The following PAIP1 variants were observed in gnomAD, a reference collection of about 807,000 sequenced individuals.
The protein encoded by PAIP1 is poly(A) binding protein interacting protein 1.
PAIP1 carries 16 observed loss-of-function variants against 61.3 expected under a neutral mutation model. The observed-to-expected ratio is 0.26, with a 90% CI of 0.18 to 0.40. The LOEUF is 0.40. Ranked by LOEUF, PAIP1 falls within the 10% of genes least tolerant of loss-of-function variation. The pLI is 1.00. For missense variants in PAIP1, 416 were observed against 600.9 expected, an observed-to-expected ratio of 0.69 and a Z score of 3.22; for synonymous variants, 187 against 226.2, an observed-to-expected ratio of 0.83 and a Z score of 1.56.
intron 3 of PAIP1, among the ~76,000 whole-genome samples, chr5:43,543,912 C>A (rs1747525130): frequency 6.6e-6 from 1 of 151,962 alleles, no homozygotes. Context: ...AAGGCCAAGG[C>A]CAGAGGATCG....
At chr5:43,530,604 G>A (rs1245623589) in intron 9 of PAIP1, among the ~76,000 whole-genome samples, 1 of 152,206 alleles carries the variant, frequency 6.6e-6, no homozygotes, top group Non-Finnish European at 1.5e-5. Context: ...CCAAGACTGT[G>A]TCAGTCTGTA....
intron 1 of PAIP1, chr5:43,556,236 C>T: frequency 1.6e-6 from 2 of 1,288,186 alleles, no homozygotes; most frequent in Non-Finnish European, 2.0e-6. Context: ...GAGCTTTTTT[C>T]CTCTCTGTCG....
chr5:43,550,332 C>T (rs1269122332), intron 2 of PAIP1, among the ~76,000 whole-genome samples: 1 of 151,964 alleles, frequency 6.6e-6, no homozygotes, highest in Non-Finnish European at 1.5e-5. Flanking sequence ...GTGAAGAGCA[C>T]ATAGTAAAGC....
intron 6 of PAIP1, 55 bp downstream of exon 6, chr5:43,536,760 ACCTT>A: frequency 1.1e-6 from 1 of 889,620 alleles, no homozygotes; most frequent in South Asian, 1.6e-5. Context: ...ATATAGACTA[ACCTT>A]CCTCTAAATC....
chr5:43,534,357 G>A (rs984505397), intron 8 of PAIP1, among the ~76,000 whole-genome samples: 6 of 152,054 alleles, frequency 3.9e-5, no homozygotes, highest in Admixed American at 2.0e-4. Context: ...GTACTGCCAC[G>A]CCCAGCTGAC....
rs781484016 is a variant in PAIP1 at position 43,538,957 on chromosome 5, T to C, written c.813A>G (p.Val271=). ...TAAGATAAAGTTCTCCCAGAAAGAG[T>C]ACAAATGCATGAAATCGTTTTCGAG... ...EVTRKRFHAF[V]LFLGELYLNL... Residue 271 remains valine (V), a synonymous_variant, in exon 5 of 11, where the codon GTA becomes GTG. Transcript: ENST00000306846. 4 of 1,610,012 alleles carry C rather than the reference T, an allele frequency of 2.5e-6. No homozygotes were observed. Among genetic ancestry groups the C allele is most frequent in the South Asian group, 1.1e-5 (1 of 90,960 alleles).
Position 43,533,665 on chromosome 5 carries a change from AG to A in PAIP1, c.1252+72del, listed in dbSNP as rs1344942932. ...AAAAAGTTACAATCTTGTGCTGGTGAGGATGTGGTTTTCTGTAAATTTACTA... is the reference window on the plus strand; with the variant it reads ...AAAAAGTTACAATCTTGTGCTGGTGAGATGTGGTTTTCTGTAAATTTACTA... On this transcript the variant is annotated intron_variant, in intron 9 of 10. Coordinates refer to ENST00000306846, the MANE Select transcript of PAIP1 (RefSeq NM_006451.5). 2.3e-5 allele frequency: 20 copies of A among 877,004 alleles called. No individual in the cohort carries two copies. The Admixed American group carries it at 2.4e-4, about 10-fold the overall frequency. The allele number at this position is 877,004 out of a possible 1,614,324, so 54.3% of individuals were successfully genotyped here.
intron 4 of PAIP1, among the ~76,000 whole-genome samples, chr5:43,539,761 C>G (rs2112395685): frequency 1.3e-5 from 2 of 152,268 alleles, no homozygotes; most frequent in African/African-American, 4.8e-5. Context: ...AGTCATAGTT[C>G]CTACAAGGTA....
At chr5:43,552,586 A>C (rs1348506007) in intron 2 of PAIP1, among the ~76,000 whole-genome samples, 6 of 152,208 alleles carry the variant, frequency 3.9e-5, no homozygotes, top group African/African-American at 7.2e-5. Flanking sequence ...CAGAAGCCAA[A>C]GAGGTAGGGG....
chr5:43,542,927 T>G (rs1579918951), intron 4 of PAIP1, 77 bp downstream of exon 4: 1 of 763,578 alleles, frequency 1.3e-6, no homozygotes, highest in East Asian at 2.5e-5. Flanking sequence ...CAGCTTTTTA[T>G]AATATATGGT....
At chr5:43,547,694 T>C (rs1747694489) in intron 3 of PAIP1, 34 bp downstream of exon 3, 2 of 1,449,226 alleles carry the variant, frequency 1.4e-6, no homozygotes, top group Admixed American at 3.9e-5. Flanking sequence ...AAGGAAGCTA[T>C]CTGAAGGTCA....
At position 43,555,745 on chromosome 5, in the gene PAIP1, G is replaced by C. The variant is rs779320042; in HGVS notation, c.435+85C>G. The C allele has an allele frequency of 2.5e-6, 3 of 1,207,378 alleles. No individual in the cohort carries two copies. In the South Asian group the frequency reaches 5.0e-5, roughly 20 times the overall value. The allele number at this position is 1,207,378 out of a possible 1,614,324, so 74.8% of individuals were successfully genotyped here. On this transcript the variant is annotated intron_variant, in intron 2 of 10. Transcript: ENST00000306846. ...AATTTTTTTACGTGTAGTACAGAAA[G>C]CACAAACATACTCTGATTAACAAAG...
In PAIP1 at chr5:43,556,753, G is replaced by C; in HGVS notation, c.94C>G (p.Pro32Ala). Residue 32 changes from proline to alanine, a missense_variant, in exon 1 of 11, where the codon CCG (proline) becomes GCG (alanine). This residue lies in a region of PAIP1 where 97 missense variants were observed against 89.5 expected (regional missense o/e 1.08). Coordinates refer to ENST00000306846, the MANE Select transcript of PAIP1 (RefSeq NM_006451.5). Reference protein sequence around the residue: ...GGGGPEGGGFPNGAGPAERAR... With the variant: ...GGGGPEGGGFANGAGPAERAR... ...CGCTCAGCAGGCCCCGCTCCGTTCG[G>C]GAAACCGCCGCCCTCAGGCCCGCCC... 3 of 1,414,688 alleles carry C rather than the reference G, an allele frequency of 2.1e-6. No homozygotes were observed. The highest frequency in any genetic ancestry group is 1.5e-5 in the South Asian group (1 of 67,434). 87.6% of individuals were successfully genotyped at this position (1,414,688 alleles called of 1,614,324 possible). A position where few individuals can be genotyped will look rare whatever the true frequency, so the allele number is the denominator to read the frequency against.
chr5:43,557,027 A>C lies in PAIP1; in HGVS notation c.-181T>G, dbSNP rs1748128065. The C allele has an allele frequency of 1.8e-6, 2 of 1,100,454 alleles. No homozygotes were observed. Among genetic ancestry groups the C allele is most frequent in the African/African-American group, 3.3e-5 (2 of 61,190 alleles). 68.2% of individuals were successfully genotyped at this position (1,100,454 alleles called of 1,614,324 possible). A position where few individuals can be genotyped will look rare whatever the true frequency, so the allele number is the denominator to read the frequency against. On this transcript the variant is annotated 5_prime_UTR_variant, in exon 1 of 11. Coordinates refer to ENST00000306846, the MANE Select transcript of PAIP1 (RefSeq NM_006451.5). The stretch of plus-strand genomic sequence containing the variant: ...TTCTGGCGGAGCGGACGGCAGCCCG[A>C]GCACCCGCCGCTCCAGAGCGCCCGC...
At chr5:43,549,447 G>C (rs980910777) in intron 2 of PAIP1, among the ~76,000 whole-genome samples, 4 of 151,852 alleles carry the variant, frequency 2.6e-5, no homozygotes, top group African/African-American at 9.7e-5. Context: ...TAGTGAATAC[G>C]TCTCACGAGA....
chr5:43,554,869 A>G (rs1455137264), intron 2 of PAIP1, among the ~76,000 whole-genome samples: 1 of 152,198 alleles, frequency 6.6e-6, no homozygotes, highest in African/African-American at 2.4e-5. Context: ...GCAAGACACA[A>G]AATGTGCCCT....
chr5:43,555,714 T>TA (rs1178669362), intron 2 of PAIP1, 116 bp downstream of exon 2: 7 of 738,340 alleles, frequency 9.5e-6, no homozygotes, highest in Non-Finnish European at 1.3e-5. Context: ...ACATTCACAA[T>TA]AAAAAAATTT....
intron 1 of PAIP1, 53 bp downstream of exon 1, chr5:43,556,529 C>T: frequency 1.6e-6 from 2 of 1,236,012 alleles, no homozygotes; most frequent in African/African-American, 1.6e-5. Context: ...GCGTGGAGGG[C>T]CGTGGGGAAG....
At chr5:43,531,576 G>C (rs1463779273) in intron 9 of PAIP1, among the ~76,000 whole-genome samples, 1 of 144,376 alleles carries the variant, frequency 6.9e-6, no homozygotes, top group Non-Finnish European at 1.5e-5. Flanking sequence ...AGAATTGCTT[G>C]AACTCAGGAG....
Sources: allele counts gnomAD v4.1 joint callset (sites outside exome capture counted in the v4.1 genomes callset), GRCh38; gene constraint gnomAD v4.1.1; regional missense constraint gnomAD v4.1.1; transcripts MANE v1.5; gene names NCBI Gene and HGNC (gene_info 2026-07-23, HGNC 2026-07-21).